ERBIN: variants seen among roughly 807,000 people sequenced by gnomAD.
ERBIN encodes erbb2 interacting protein.
Under a neutral mutation model 158.4 loss-of-function variants are expected in ERBIN, and 60 were observed. The ratio of observed to expected loss-of-function variants is 0.38; its 90% CI spans 0.31 to 0.47. The LOEUF (loss-of-function observed/expected upper bound fraction) is 0.47. Ranked by LOEUF, ERBIN falls within the 20% of genes least tolerant of loss-of-function variation. ERBIN has a pLI of 0.99. For missense variants in ERBIN, 1,610 were observed against 1,648.0 expected, an observed-to-expected ratio of 0.98 and a Z score of 0.40; for synonymous variants, 594 against 557.2, an observed-to-expected ratio of 1.07 and a Z score of -0.93.
At chr5:65,966,098 T>A (rs977325653) in intron 1 of ERBIN, among the ~76,000 whole-genome samples, 2 of 110,546 alleles carry the variant, frequency 1.8e-5, no homozygotes, top group Non-Finnish European at 4.3e-5. Context: ...CATAATGACA[T>A]TTTGGTCAAT....
chr5:65,950,618 G>T (rs1216713851), intron 1 of ERBIN, among the ~76,000 whole-genome samples: 1 of 152,160 alleles, frequency 6.6e-6, no homozygotes, highest in Non-Finnish European at 1.5e-5. Context: ...TCATGGATCT[G>T]TTAGAAGCCC....
chr5:66,078,142 T>C (rs1262471634), intron 25 of ERBIN, among the ~76,000 whole-genome samples: 2 of 152,182 alleles, frequency 1.3e-5, no homozygotes, highest in Non-Finnish European at 2.9e-5. Flanking sequence ...CAGATACACA[T>C]TAGCATTATA....
intron 4 of ERBIN, among the ~76,000 whole-genome samples, chr5:66,004,103 ATTTTTTTTTTTT>A (rs57148473): frequency 1.0e-3 from 110 of 105,176 alleles, no homozygotes; most frequent in African/African-American, 3.6e-3. Flanking sequence ...ATGCTCGGCT[ATTTTTTTTTTTT>A]TTTTTTTTAA....
intron 1 of ERBIN, among the ~76,000 whole-genome samples, chr5:65,962,755 C>A (rs1324626580): frequency 6.6e-6 from 1 of 152,160 alleles, no homozygotes; most frequent in Non-Finnish European, 1.5e-5. Flanking sequence ...ATTACTAATA[C>A]TCTCTGTGTA....
chr5:66,077,617 A>G (rs1489543537), intron 25 of ERBIN, among the ~76,000 whole-genome samples: 2 of 152,152 alleles, frequency 1.3e-5, no homozygotes, highest in Non-Finnish European at 2.9e-5. Context: ...TTTTTTGAAT[A>G]ATTTTAAGCT....
intron 2 of ERBIN, among the ~76,000 whole-genome samples, chr5:65,990,407 G>A (rs567868248): frequency 2.0e-5 from 3 of 149,250 alleles, no homozygotes; most frequent in Admixed American, 1.4e-4. Context: ...AGTGGCTCAC[G>A]CCTGTAATCC....
intron 1 of ERBIN, among the ~76,000 whole-genome samples, chr5:65,930,189 A>C (rs1743194111): frequency 6.6e-6 from 1 of 152,206 alleles, no homozygotes; most frequent in African/African-American, 2.4e-5. Flanking sequence ...ACTGTTCAAA[A>C]CATGCAGTGG....
At chr5:66,053,302 TAA>T in intron 20 of ERBIN, 102 bp from the exon 21 acceptor site, 1 of 618,126 alleles carries the variant, frequency 1.6e-6, no homozygotes. Flanking sequence ...TGACTTTTAT[TAA>T]CTTTTTTAAC....
chr5:65,972,362 C>T (rs751925388), intron 1 of ERBIN, among the ~76,000 whole-genome samples: 32 of 151,500 alleles, frequency 2.1e-4, no homozygotes, highest in Non-Finnish European at 4.1e-4. Flanking sequence ...TGATGTTACG[C>T]AAATGCTATT....
intron 1 of ERBIN, among the ~76,000 whole-genome samples, chr5:65,985,637 C>G (rs547233382): frequency 1.3e-5 from 2 of 152,290 alleles, no homozygotes; most frequent in African/African-American, 4.8e-5. Context: ...TATCAATGAG[C>G]TCCTCTCTTT....
chr5:66,076,887 A>G lies in ERBIN; in HGVS notation c.4069A>G (p.Thr1357Ala). Reference sequence around the variant, plus strand: ...TTTGTTGTTAAAGGGTATATTTGTAACAAGGGTACAACCTGAAGGACCAGC... The same window carrying G: ...TTTGTTGTTAAAGGGTATATTTGTAGCAAGGGTACAACCTGAAGGACCAGC... ...FRPDDDGIFV[T>A]RVQPEGPASK... Residue 1357 changes from threonine to alanine, a missense_variant, in exon 25 of 26, where the codon ACA becomes GCA. Transcript: ENST00000284037. The G allele has an allele frequency of 6.2e-7, 1 of 1,607,974 alleles. No homozygotes were observed. Among genetic ancestry groups the G allele is most frequent in the Non-Finnish European group, 8.5e-7 (1 of 1,176,152 alleles).
chr5:66,012,772 A>G (rs561737869), intron 5 of ERBIN, among the ~76,000 whole-genome samples: 2 of 152,378 alleles, frequency 1.3e-5, no homozygotes, highest in South Asian at 4.1e-4. Flanking sequence ...TTGCTCTAGT[A>G]TCAAATTCTA....
At chr5:66,003,901 C>T (rs1753261602) in intron 4 of ERBIN, among the ~76,000 whole-genome samples, 1 of 134,686 alleles carries the variant, frequency 7.4e-6, no homozygotes, top group African/African-American at 2.7e-5. Flanking sequence ...TCTAGAGCTT[C>T]ATTTCACATT....
chr5:66,072,641 A>G (rs1164049135), intron 22 of ERBIN, among the ~76,000 whole-genome samples: 2 of 152,176 alleles, frequency 1.3e-5, no homozygotes, highest in Non-Finnish European at 2.9e-5. Flanking sequence ...TAAACTCTTC[A>G]TTCTAGGATC....
intron 15 of ERBIN, among the ~76,000 whole-genome samples, chr5:66,041,314 G>C (rs1267147458): frequency 1.3e-5 from 2 of 151,992 alleles, no homozygotes; most frequent in African/African-American, 4.8e-5. Flanking sequence ...GAATCATTTA[G>C]CTGATGTGCA....
At chr5:66,020,004 A>T (rs1282369621) in intron 7 of ERBIN, among the ~76,000 whole-genome samples, 1 of 152,148 alleles carries the variant, frequency 6.6e-6, no homozygotes, top group Admixed American at 6.5e-5. Context: ...CTGGAGAAAG[A>T]TCGTGGAAGC....
chr5:66,051,358 G>A (rs954872498), intron 20 of ERBIN, among the ~76,000 whole-genome samples: 2 of 152,100 alleles, frequency 1.3e-5, no homozygotes, highest in African/African-American at 4.8e-5. Context: ...GTGTATATTT[G>A]GCTTAGGCTT....
At position 66,018,515 on chromosome 5, in the gene ERBIN, ATATAATATATAT is replaced by A. The variant is rs1303999166; in HGVS notation, c.534-2802_534-2791del. ...TATTATATAATATATATTATATATT[ATATAATATATAT>A]TATATTATATAATATATATTATATA... On this transcript the variant is annotated intron_variant, in intron 7 of 25. Transcript: ENST00000284037. 7.6e-3 allele frequency among the ~76,000 whole-genome samples: 61 copies of A among 8,038 alleles called. 20 individuals carry two copies. Among genetic ancestry groups the A allele is most frequent in the Non-Finnish European group, 0.011 (48 of 4,370 alleles). 5.3% of individuals were successfully genotyped at this position (8,038 alleles called of 152,430 possible). A position where few individuals can be genotyped will look rare whatever the true frequency, so the allele number is the denominator to read the frequency against.
intron 14 of ERBIN, among the ~76,000 whole-genome samples, chr5:66,032,509 A>G (rs775236360): frequency 2.6e-5 from 4 of 152,228 alleles, no homozygotes; most frequent in Admixed American, 6.5e-5. Flanking sequence ...GTCATGATCA[A>G]TTATTCATAT....
Sources: gnomAD v4.1 joint callset for allele counts (sites outside exome capture counted in the v4.1 genomes callset) on GRCh38, gnomAD v4.1.1 for gene constraint, MANE v1.5 for transcripts, NCBI Gene and HGNC (gene_info 2026-07-23, HGNC 2026-07-21) for gene names.